Variants in TBC1D32 observed in about 807,000 individuals in gnomAD.
TBC1D32 encodes TBC1 domain family member 32.
In TBC1D32, 151 loss-of-function variants were observed where a neutral mutation model predicts 170.3. The observed-to-expected ratio is 0.89, with a 90% CI of 0.78 to 1.01. The LOEUF is 1.01. Among genes scored for constraint, TBC1D32 ranks in the 50% least tolerant of loss-of-function variants. The pLI, the probability that TBC1D32 is intolerant of heterozygous loss-of-function variation, is 0.00. For synonymous variants in TBC1D32, 498 were observed against 488.0 expected, an observed-to-expected ratio of 1.02 and a Z score of -0.27; for missense variants, 1,464 against 1,457.1, an observed-to-expected ratio of 1.00 and a Z score of -0.08.
Position 121,281,573 on chromosome 6 carries a change from G to A in TBC1D32, c.1579C>T (p.Pro527Ser), listed in dbSNP as rs1318774655. Residue 527 changes from proline to serine, a missense_variant, in exon 14 of 32, where the codon CCT (proline) becomes TCT (serine). Pro to Ser is a moderately conservative substitution (Grantham distance 74). Coordinates refer to ENST00000398212, the MANE Select transcript of TBC1D32 (RefSeq NM_152730.6). ...TTTCCTTTCATTAAATTGTGAATAGGCTGAAGAAGTGTCTCTATTACAATG... is the reference window on the plus strand; with the variant it reads ...TTTCCTTTCATTAAATTGTGAATAGACTGAAGAAGTGTCTCTATTACAATG... ...NNIVIETLLQ[P>S]IHNLMKGNEA... The A allele has an allele frequency of 1.2e-6, 2 of 1,605,294 alleles. No individual in the cohort carries two copies. Among genetic ancestry groups the A allele is most frequent in the African/African-American group, 1.3e-5 (1 of 74,496 alleles).
At chr6:121,256,792 C>T (rs1376675810) in intron 15 of TBC1D32, among the ~76,000 whole-genome samples, 2 of 151,738 alleles carry the variant, frequency 1.3e-5, no homozygotes, top group African/African-American at 4.8e-5. Context: ...GCCTCAGCCT[C>T]CTGAGTAGCT....
chr6:121,242,572 A>G (rs2128364658), intron 17 of TBC1D32, among the ~76,000 whole-genome samples: 1 of 152,190 alleles, frequency 6.6e-6, no homozygotes, highest in African/African-American at 2.4e-5. Context: ...AATGAAAAAA[A>G]TGTTAACTGC....
At chr6:121,178,115 C>T (rs751477346) in intron 22 of TBC1D32, among the ~76,000 whole-genome samples, 1 of 152,194 alleles carries the variant, frequency 6.6e-6, no homozygotes, top group Non-Finnish European at 1.5e-5. Flanking sequence ...GAAACCATCA[C>T]ATCTCATAAG....
chr6:121,115,161 C>A lies in TBC1D32; in HGVS notation c.3053+11G>T. ...AGAAATGCACAAGGGAGCTATTTCC[C>A]TATAATATACCTGACAGTCATTTTA... On this transcript the variant is annotated intron_variant, in intron 27 of 31. Coordinates refer to ENST00000398212, the MANE Select transcript of TBC1D32 (RefSeq NM_152730.6). 6.3e-7 allele frequency: 1 copy of A among 1,581,436 alleles called. No individual in the cohort carries two copies. Among genetic ancestry groups the A allele is most frequent in the Non-Finnish European group, 8.6e-7 (1 of 1,161,276 alleles).
chr6:121,216,169 G>T (rs1195911757), intron 21 of TBC1D32, among the ~76,000 whole-genome samples: 1 of 152,202 alleles, frequency 6.6e-6, no homozygotes, highest in African/African-American at 2.4e-5. Flanking sequence ...TCAGCTGCCA[G>T]CAAATATAAA....
chr6:121,213,466 T>TAATAAAATAAAATAA (rs1554271835), intron 21 of TBC1D32, among the ~76,000 whole-genome samples: 97 of 24,734 alleles, frequency 3.9e-3, no homozygotes, highest in Admixed American at 8.5e-3. Flanking sequence ...ACAAAAATAA[T>TAATAAAATAAAATAA]AATAAAATAA....
intron 12 of TBC1D32, among the ~76,000 whole-genome samples, chr6:121,284,173 C>T (rs954252629): frequency 1.4e-4 from 21 of 152,016 alleles, no homozygotes; most frequent in African/African-American, 4.8e-4. Context: ...TTAAGATAAA[C>T]CTATGCTAGG....
rs1178015659 is a variant in TBC1D32, at chr6:121,267,767, G to A, written c.1733+11354C>T. Among the ~76,000 whole-genome samples the A allele has an allele frequency of 2.6e-5, 4 of 152,070 alleles. No homozygotes were observed. The East Asian group carries it at 7.7e-4, about 29-fold the overall frequency. On this transcript the variant is annotated intron_variant, in intron 15 of 31. Coordinates refer to ENST00000398212, the MANE Select transcript of TBC1D32 (RefSeq NM_152730.6). ...TCTGACAGCTTTGAAGAGAGTAGTG[G>A]TTCTCCCTCTCTCCTCCTCCTCAAG...
At chr6:121,226,113 C>T (rs532915940) in intron 20 of TBC1D32, among the ~76,000 whole-genome samples, 4 of 152,218 alleles carry the variant, frequency 2.6e-5, no homozygotes, top group East Asian at 1.9e-4. Flanking sequence ...TGATAATGAT[C>T]TTCTATTCAC....
At chr6:121,302,148 G>A (rs1184502237) in intron 9 of TBC1D32, among the ~76,000 whole-genome samples, 4 of 151,904 alleles carry the variant, frequency 2.6e-5, no homozygotes, top group South Asian at 2.1e-4. Flanking sequence ...CTTAGACCAG[G>A]GTCAACAAAC....
intron 22 of TBC1D32, among the ~76,000 whole-genome samples, chr6:121,168,766 C>T (rs1234577315): frequency 1.4e-5 from 2 of 138,510 alleles, no homozygotes; most frequent in Non-Finnish European, 3.1e-5. Context: ...CATTCCTATA[C>T]ACCACCAACA....
intron 1 of TBC1D32, among the ~76,000 whole-genome samples, chr6:121,329,827 T>C (rs545007652): frequency 2.0e-4 from 31 of 152,198 alleles, no homozygotes; most frequent in African/African-American, 7.2e-4. Flanking sequence ...ATTTATTATA[T>C]GATGAACTTA....
intron 15 of TBC1D32, among the ~76,000 whole-genome samples, chr6:121,258,356 T>C (rs1799311670): frequency 6.6e-6 from 1 of 152,160 alleles, no homozygotes; most frequent in Non-Finnish European, 1.5e-5. Flanking sequence ...TGCATGAATA[T>C]GTCACTAACT....
At chr6:121,283,967 G>GA in intron 12 of TBC1D32, 57 bp from the exon 13 acceptor site, 1 of 1,270,802 alleles carries the variant, frequency 7.9e-7, no homozygotes, top group Non-Finnish European at 1.1e-6. Context: ...CAACTTAAGA[G>GA]AAATTTAACT....
chr6:121,126,534 G>T, intron 25 of TBC1D32, 73 bp from the exon 26 acceptor site: 1 of 1,094,930 alleles, frequency 9.1e-7, no homozygotes, highest in South Asian at 1.4e-5. Context: ...TTAAATCACA[G>T]AACTAGTAGG....
chr6:121,090,868 C>T lies in TBC1D32; in HGVS notation c.3639G>A (p.Leu1213=). The change falls in exon 31 of 32, where the codon CTG becomes CTA. Residue 1213 remains leucine (L), a synonymous_variant. Transcript: ENST00000398212. ...DILQHTQTQD[L]QVFLKEEALH... is the part of the protein sequence containing the mutation. Reference sequence around the variant, plus strand: ...ACATACTTACTTTTAGGAAAACTTGCAGATCTTGAGTCTGAGTGTGCTGTA... The same window carrying T: ...ACATACTTACTTTTAGGAAAACTTGTAGATCTTGAGTCTGAGTGTGCTGTA... The T allele has an allele frequency of 6.2e-7, 1 of 1,608,648 alleles. No individual in the cohort carries two copies. The highest frequency in any genetic ancestry group is 8.5e-7 in the Non-Finnish European group (1 of 1,178,542).
At chr6:121,266,650 G>C (rs1800525754) in intron 15 of TBC1D32, among the ~76,000 whole-genome samples, 1 of 152,102 alleles carries the variant, frequency 6.6e-6, no homozygotes, top group South Asian at 2.1e-4. Flanking sequence ...TAGCAAAGAT[G>C]TGGAACCAAC....
At chr6:121,290,694 T>A (rs1214449144) in intron 12 of TBC1D32, among the ~76,000 whole-genome samples, 1 of 151,996 alleles carries the variant, frequency 6.6e-6, no homozygotes, top group Admixed American at 6.6e-5. Flanking sequence ...TAAAGACACA[T>A]GCACACATAT....
intron 3 of TBC1D32, 49 bp from the exon 4 acceptor site, chr6:121,310,896 C>G (rs774683229): frequency 2.0e-6 from 2 of 1,000,766 alleles, no homozygotes; most frequent in East Asian, 4.9e-5. Flanking sequence ...GCTTTTAGAA[C>G]TATTGCTATA....
Sources: allele counts gnomAD v4.1 joint callset (sites outside exome capture counted in the v4.1 genomes callset), GRCh38; gene constraint gnomAD v4.1.1; transcripts MANE v1.5; gene names NCBI Gene and HGNC (gene_info 2026-07-23, HGNC 2026-07-21).